Variants in TBXAS1 observed in about 807,000 individuals in gnomAD.
TBXAS1 encodes the protein thromboxane A synthase 1.
Under a neutral mutation model 60.7 loss-of-function variants are expected in TBXAS1, and 48 were observed. The observed-to-expected ratio is 0.79, with a 90% CI of 0.63 to 1.01. TBXAS1 has a LOEUF of 1.01. Ranked by LOEUF, TBXAS1 falls within the 50% of genes least tolerant of loss-of-function variation. The probability of loss-of-function intolerance (pLI) is 0.00; values close to 1 mark genes in which losing one functional copy is unlikely to be tolerated. For missense variants in TBXAS1, 685 were observed against 686.3 expected (o/e 1.00, Z 0.02); for synonymous variants, 287 against 269.7 (o/e 1.06, Z -0.63).
At chr7:139,968,414 C>A (rs1162679975) in intron 9 of TBXAS1, among the ~76,000 whole-genome samples, 1 of 152,178 alleles carries the variant, frequency 6.6e-6, no homozygotes, top group Non-Finnish European at 1.5e-5. Context: ...CCTGCCTCAG[C>A]CTCCCAAGTA....
intron 4 of TBXAS1, among the ~76,000 whole-genome samples, chr7:139,795,362 GT>G (rs1797535220): frequency 9.7e-6 from 1 of 102,796 alleles, no homozygotes; most frequent in African/African-American, 4.1e-5. Flanking sequence ...TGATGGGGTT[GT>G]TTGTTTTTTT....
chr7:139,978,586 G>A (rs1811730081), intron 9 of TBXAS1, among the ~76,000 whole-genome samples: 1 of 151,970 alleles, frequency 6.6e-6, no homozygotes, highest in African/African-American at 2.4e-5. Context: ...CTCTGTTCTT[G>A]GTGCTCTTGG....
Position 140,007,114 on chromosome 7 carries a change from C to G in TBXAS1, c.1158C>G (p.Leu386=), listed in dbSNP as rs761978514. 6.2e-7 allele frequency: 1 copy of G among 1,614,156 alleles called. No individual in the cohort carries two copies. The highest frequency in any genetic ancestry group is 8.5e-7 in the Non-Finnish European group (1 of 1,180,026). The change falls in exon 10 of 13, where the codon CTC becomes CTG. Residue 386 remains leucine, a synonymous_variant. Transcript: ENST00000448866. ...AGATGGCCCCTGAGTTCTGCAGCCT[C>G]GAGGAAGGCCTGCCCTATCTGGACA... ...EKHMAPEFCS[L]EEGLPYLDMV...
At chr7:139,828,842 C>T (rs78809811), upstream of TBXAS1, among the ~76,000 whole-genome samples, 408 of 152,294 alleles carry the variant, frequency 2.7e-3, no homozygotes, top group African/African-American at 9.3e-3. Context: ...GGATGGTTGT[C>T]CTCAAAGCAG....
At chr7:139,838,214 CT>C (rs1044900193) in intron 1 of TBXAS1, among the ~76,000 whole-genome samples, 2 of 152,164 alleles carry the variant, frequency 1.3e-5, no homozygotes, top group Non-Finnish European at 2.9e-5. Flanking sequence ...TGCATGAGGC[CT>C]CCTCTTTCCT....
chr7:139,994,188 C>G lies in TBXAS1; in HGVS notation c.1135-12903C>G, dbSNP rs148047049. ...TCCCGCGTAGCTGGGATTACAGGCA[C>G]CTGCCACCACACTTGGCTAATTTTT... is the stretch of plus-strand genomic sequence containing the variant. On this transcript the variant is annotated intron_variant, in intron 9 of 12. Transcript: ENST00000448866. Among the ~76,000 whole-genome samples the G allele has an allele frequency of 3.3e-3, 498 of 152,290 alleles. 8 individuals carry two copies. The highest frequency in any genetic ancestry group is 0.011 in the African/African-American group (460 of 41,556).
At chr7:140,003,022 G>T (rs1196908012) in intron 9 of TBXAS1, among the ~76,000 whole-genome samples, 1 of 151,266 alleles carries the variant, frequency 6.6e-6, no homozygotes, top group Admixed American at 6.6e-5. Flanking sequence ...TACTCGGGAG[G>T]CTGAGGCAGA....
At position 139,939,920 on chromosome 7, in the gene TBXAS1, T is replaced by C. The variant is rs148119450; in HGVS notation, c.450+3613T>C. Among the ~76,000 whole-genome samples the C allele has an allele frequency of 5.1e-4, 77 of 152,244 alleles. No individual in the cohort carries two copies. The Middle Eastern group carries it at 0.024, about 47-fold the overall frequency. On this transcript the variant is annotated intron_variant, in intron 5 of 12. Coordinates refer to ENST00000448866, the MANE Select transcript of TBXAS1 (RefSeq NM_001061.7). ...ACGAAAAAGTGCACAGCAAAGATAATATTTCTGAAACGTGAAACCAATGTA... is the reference window on the plus strand; with the variant it reads ...ACGAAAAAGTGCACAGCAAAGATAACATTTCTGAAACGTGAAACCAATGTA...
In TBXAS1 at chr7:139,861,192, T is replaced by A. The variant is rs570191679; in HGVS notation, c.90-11043T>A. ...TCTGTCTCAAAAAAAAAAAAAAAAA[T>A]TCTTCACTTCTGACAGGATTCTGCA... On this transcript the variant is annotated intron_variant, in intron 1 of 12. Coordinates refer to ENST00000448866, the MANE Select transcript of TBXAS1 (RefSeq NM_001061.7). Among the ~76,000 whole-genome samples the A allele has an allele frequency of 3.7e-3, 549 of 146,922 alleles. 4 individuals are homozygous for A. The highest frequency in any genetic ancestry group is 0.014 in the African/African-American group (518 of 37,902).
At chr7:139,891,234 A>G (rs888316816) in intron 3 of TBXAS1, among the ~76,000 whole-genome samples, 2 of 150,104 alleles carry the variant, frequency 1.3e-5, no homozygotes, top group Non-Finnish European at 3.0e-5. Context: ...CCCTATGATT[A>G]TAATATATAT....
intron 5 of TBXAS1, among the ~76,000 whole-genome samples, chr7:139,940,794 A>C (rs866410316): frequency 1.3e-5 from 2 of 152,210 alleles, no homozygotes; most frequent in Non-Finnish European, 2.9e-5. Context: ...TAGGTACATA[A>C]TAGACATTCA....
At chr7:140,006,036 C>A (rs1814053253) in intron 9 of TBXAS1, among the ~76,000 whole-genome samples, 1 of 152,232 alleles carries the variant, frequency 6.6e-6, no homozygotes, top group Admixed American at 6.5e-5. Flanking sequence ...GGAACTAGGC[C>A]TCCCAGCGCC....
chr7:140,000,423 G>A (rs577700689), intron 9 of TBXAS1, among the ~76,000 whole-genome samples: 4 of 152,248 alleles, frequency 2.6e-5, no homozygotes, highest in South Asian at 2.1e-4. Context: ...CAGGAGGATC[G>A]CTTGAGCCCA....
intron 4 of TBXAS1, among the ~76,000 whole-genome samples, chr7:139,804,178 A>C (rs1286336006): frequency 6.6e-6 from 1 of 152,244 alleles, no homozygotes; most frequent in African/African-American, 2.4e-5. Flanking sequence ...GTGGGAGCCC[A>C]AGCTTGTGTC....
intron 2 of TBXAS1, among the ~76,000 whole-genome samples, chr7:139,874,488 G>A (rs1485998852): frequency 2.0e-5 from 3 of 152,134 alleles, no homozygotes; most frequent in Admixed American, 1.3e-4. Flanking sequence ...TAGTAATTTC[G>A]CTGACTATTT....
chr7:139,780,497 C>T (rs1039213381), intron 1 of TBXAS1, among the ~76,000 whole-genome samples: 1 of 151,654 alleles, frequency 6.6e-6, no homozygotes. Context: ...GAGTACTGCA[C>T]ACATATTTGT....
chr7:139,958,273 C>G (rs1045831560), intron 8 of TBXAS1, among the ~76,000 whole-genome samples: 4 of 152,144 alleles, frequency 2.6e-5, no homozygotes, highest in Non-Finnish European at 1.5e-5. Context: ...TGGTTGAGGG[C>G]CCCCTGGACT....
chr7:139,973,231 T>C (rs1811335113), intron 9 of TBXAS1, among the ~76,000 whole-genome samples: 1 of 152,128 alleles, frequency 6.6e-6, no homozygotes, highest in Non-Finnish European at 1.5e-5. Flanking sequence ...TGGGCTTGAA[T>C]CCTGCTGACA....
In TBXAS1 at chr7:139,872,244, A is replaced by G; in HGVS notation, c.99A>G (p.Thr33=). The part of the protein sequence containing the change: ...ALLALLKWYS[T]SAFSRLEKLG... The stretch of plus-strand genomic sequence containing the variant: ...CTGCTTTTCCCTCCAGGTACTCCAC[A>G]TCAGCATTCTCAAGACTGGAGAAGT... The change falls in exon 2 of 13, where the codon ACA becomes ACG. Residue 33 remains threonine (T), a synonymous_variant. Transcript: ENST00000448866. 6.2e-7 allele frequency: 1 copy of G among 1,613,976 alleles called. No homozygotes were observed. The highest frequency in any genetic ancestry group is 2.2e-5 in the East Asian group (1 of 44,870).
Sources: allele counts gnomAD v4.1 joint callset (sites outside exome capture counted in the v4.1 genomes callset), GRCh38; gene constraint gnomAD v4.1.1; transcripts MANE v1.5; gene names NCBI Gene and HGNC (gene_info 2026-07-23, HGNC 2026-07-21).